The following FARS2 variants were observed in gnomAD, a reference collection of about 807,000 sequenced individuals.
FARS2 encodes phenylalanyl-tRNA synthetase 2, mitochondrial, also known as phenylalanine--tRNA ligase, mitochondrial.
Under a neutral mutation model 46.4 loss-of-function variants are expected in FARS2, and 40 were observed. That is an observed-to-expected ratio of 0.86 (90% CI 0.67 to 1.12). The LOEUF (loss-of-function observed/expected upper bound fraction) is 1.12. Among genes scored for constraint, FARS2 ranks in the 50% most tolerant of loss-of-function variants. FARS2 has a pLI of 0.00. For synonymous variants in FARS2, 234 were observed against 214.9 expected (o/e 1.09, Z -0.78); for missense variants, 513 against 567.9 (o/e 0.90, Z 0.98).
intron 6 of FARS2, among the ~76,000 whole-genome samples, chr6:5,674,396 A>G (rs1778648691): frequency 1.3e-5 from 2 of 152,060 alleles, no homozygotes; most frequent in South Asian, 4.1e-4. Context: ...TGTTTTTGAC[A>G]GGGATATTAA....
intron 2 of FARS2, among the ~76,000 whole-genome samples, chr6:5,386,521 G>GT (rs1427436440): frequency 6.6e-6 from 1 of 152,212 alleles, no homozygotes; most frequent in Non-Finnish European, 1.5e-5. Context: ...GGCAAGACTG[G>GT]TGATGGAAAG....
At chr6:5,358,892 T>TG (rs1213372676) in intron 1 of FARS2, among the ~76,000 whole-genome samples, 1 of 152,170 alleles carries the variant, frequency 6.6e-6, no homozygotes, top group Non-Finnish European at 1.5e-5. Flanking sequence ...TGTCACAAGA[T>TG]ATGTTTCTCA....
rs528177955 is a variant in FARS2 at position 5,662,788 on chromosome 6, T to C, written c.1217+49468T>C. Among the ~76,000 whole-genome samples, 17 of 152,338 alleles carry C rather than the reference T, an allele frequency of 1.1e-4. No individual in the cohort carries two copies. In the South Asian group the frequency reaches 3.5e-3, roughly 32 times the overall value. ...AGATCAGATCCCCGGGTTTGAACGC[T>C]GGTCCTGCTACTTGCTGGCCGTGTG... On this transcript the variant is annotated intron_variant, in intron 6 of 6. Transcript: ENST00000274680.
intron 1 of FARS2, among the ~76,000 whole-genome samples, chr6:5,319,264 G>C (rs1769793786): frequency 6.6e-6 from 1 of 152,190 alleles, no homozygotes; most frequent in Non-Finnish European, 1.5e-5. Flanking sequence ...GCAGCTTCCT[G>C]ATGGGATCTC....
At chr6:5,563,911 T>C (rs1405569810) in intron 5 of FARS2, among the ~76,000 whole-genome samples, 1 of 152,186 alleles carries the variant, frequency 6.6e-6, no homozygotes, top group Non-Finnish European at 1.5e-5. Context: ...CTGTCAACAA[T>C]TTTGACTTGA....
At chr6:5,515,349 T>C (rs1158405161) in intron 4 of FARS2, among the ~76,000 whole-genome samples, 1 of 152,186 alleles carries the variant, frequency 6.6e-6, no homozygotes, top group Non-Finnish European at 1.5e-5. Context: ...ACAATGACTA[T>C]GATATAGTCA....
chr6:5,451,685 C>T (rs1451719387), intron 4 of FARS2: 1 of 152,220 alleles, frequency 6.6e-6, no homozygotes, highest in East Asian at 1.9e-4. Flanking sequence ...ATAATTAATA[C>T]TTTCTTTTGG....
At chr6:5,613,067 A>T in intron 5 of FARS2, 102 bp from the exon 6 acceptor site, 1 of 895,050 alleles carries the variant, frequency 1.1e-6, no homozygotes, top group Non-Finnish European at 1.8e-6. Flanking sequence ...ATGATGTTTT[A>T]CTAGCATTTC....
intron 6 of FARS2, among the ~76,000 whole-genome samples, chr6:5,681,928 GCT>G (rs142003349): frequency 0.04 from 6,031 of 152,250 alleles, 151 homozygotes; most frequent in African/African-American, 0.067. Context: ...CCTACAGTTT[GCT>G]CTAATAAACT....
intron 6 of FARS2, among the ~76,000 whole-genome samples, chr6:5,689,798 G>C (rs1217105821): frequency 6.6e-6 from 1 of 151,808 alleles, no homozygotes; most frequent in South Asian, 2.1e-4. Context: ...TGACCGTGGG[G>C]TGTTAAAGTC....
chr6:5,522,294 G>A (rs970248154), intron 4 of FARS2, among the ~76,000 whole-genome samples: 1 of 152,200 alleles, frequency 6.6e-6, no homozygotes, highest in Admixed American at 6.5e-5. Flanking sequence ...CTGCTTAGAT[G>A]CCACTAGCAA....
intron 4 of FARS2, among the ~76,000 whole-genome samples, chr6:5,528,110 A>C (rs1326138166): frequency 6.6e-6 from 1 of 152,128 alleles, no homozygotes; most frequent in Admixed American, 6.5e-5. Flanking sequence ...CAATTTGGTC[A>C]ATTCATCTTC....
chr6:5,300,793 C>T (rs1209772432), intron 1 of FARS2, among the ~76,000 whole-genome samples: 1 of 152,046 alleles, frequency 6.6e-6, no homozygotes, highest in Non-Finnish European at 1.5e-5. Flanking sequence ...GCCTCAGCCT[C>T]CCAAGTTGCT....
chr6:5,517,505 G>A (rs549548250), intron 4 of FARS2, among the ~76,000 whole-genome samples: 95 of 151,928 alleles, frequency 6.3e-4, no homozygotes, highest in South Asian at 6.3e-3. Context: ...CCCAGCTACC[G>A]GGAGGCTGAG....
intron 6 of FARS2, among the ~76,000 whole-genome samples, chr6:5,626,875 C>T (rs1015335840): frequency 2.6e-5 from 4 of 152,176 alleles, no homozygotes; most frequent in African/African-American, 9.7e-5. Context: ...AAGGTGCAGC[C>T]TACTGCACAC....
chr6:5,492,006 A>T (rs1419649899), intron 4 of FARS2, among the ~76,000 whole-genome samples: 1 of 151,964 alleles, frequency 6.6e-6, no homozygotes, highest in South Asian at 2.1e-4. Flanking sequence ...AAACTTCTTG[A>T]CCTCCCCAAT....
At chr6:5,469,337 C>T (rs1765684570) in intron 4 of FARS2, among the ~76,000 whole-genome samples, 1 of 152,252 alleles carries the variant, frequency 6.6e-6, no homozygotes, top group African/African-American at 2.4e-5. Context: ...ACCGGCCTGT[C>T]TCCCATTGTG....
At position 5,368,535 on chromosome 6, in the gene FARS2, G is replaced by C; in HGVS notation, c.-21-15G>C. 1.3e-6 allele frequency: 2 copies of C among 1,570,318 alleles called. No homozygotes were observed. On this transcript the variant is annotated splice_polypyrimidine_tract_variant and intron_variant, in intron 1 of 6. Transcript: ENST00000274680. Reference sequence around the variant, plus strand: ...GTGACACCTGACTTGTGCTTTGCCTGTGTGCTCTTTCCAGAACCTGTGAGA... The same window carrying C: ...GTGACACCTGACTTGTGCTTTGCCTCTGTGCTCTTTCCAGAACCTGTGAGA...
intron 6 of FARS2, among the ~76,000 whole-genome samples, chr6:5,653,672 C>T (rs1022444292): frequency 1.3e-5 from 2 of 152,178 alleles, no homozygotes; most frequent in Non-Finnish European, 1.5e-5. Context: ...GAGGGATTTG[C>T]ACTATTGGAA....
Sources: gnomAD v4.1 joint callset for allele counts (sites outside exome capture counted in the v4.1 genomes callset) on GRCh38, gnomAD v4.1.1 for gene constraint, MANE v1.5 for transcripts, NCBI Gene and HGNC (gene_info 2026-07-23, HGNC 2026-07-21) for gene names.